The following SPEF2 variants were observed in gnomAD, a reference collection of about 807,000 sequenced individuals.
SPEF2 encodes sperm flagellar and cilia associated 2, also known as sperm flagella and cilia-associated protein 2.
Under a neutral mutation model 224.6 loss-of-function variants are expected in SPEF2, and 187 were observed. That is an observed-to-expected ratio of 0.83 (90% confidence interval 0.74 to 0.94). The LOEUF (loss-of-function observed/expected upper bound fraction) is 0.94, where lower values mean the gene tolerates loss of function less well. Ranked by LOEUF, SPEF2 falls within the 40% of genes least tolerant of loss-of-function variation. The pLI is 0.00. For missense variants in SPEF2, 2,170 were observed against 2,135.6 expected, an observed-to-expected ratio of 1.02 and a Z score of -0.32; for synonymous variants, 715 against 707.3, an observed-to-expected ratio of 1.01 and a Z score of -0.17.
At chr5:35,755,437 T>G (rs1338335332) in intron 24 of SPEF2, among the ~76,000 whole-genome samples, 1 of 152,206 alleles carries the variant, frequency 6.6e-6, no homozygotes, top group African/African-American at 2.4e-5. Context: ...CCTTTGGAAA[T>G]GGTATAGTAC....
chr5:35,712,737 A>G, intron 19 of SPEF2, 75 bp from the exon 20 acceptor site: 1 of 1,430,834 alleles, frequency 7.0e-7, no homozygotes, highest in Non-Finnish European at 9.8e-7. Context: ...AAATAGCATT[A>G]GCTTGCTTAC....
intron 32 of SPEF2, among the ~76,000 whole-genome samples, chr5:35,794,402 T>G (rs9292612): frequency 0.53 from 79,897 of 151,072 alleles, 23,933 homozygotes; most frequent in Middle Eastern, 0.7. Flanking sequence ...CTCTTTTTTT[T>G]TGAGAGAGCT....
chr5:35,692,838 G>A, intron 12 of SPEF2, 114 bp downstream of exon 12: 3 of 919,316 alleles, frequency 3.3e-6, no homozygotes, highest in Non-Finnish European at 1.5e-6. Context: ...GACCCAGAGA[G>A]TAAAAGTTTA....
At chr5:35,751,080 C>CGTATATATATACGTATATATAT (rs1749529999) in intron 23 of SPEF2, among the ~76,000 whole-genome samples, 1,064 of 43,422 alleles carry the variant, frequency 0.025, 246 homozygotes, top group East Asian at 0.037. Flanking sequence ...TATATATATA[C>CGTATATATATACGTATATATAT]ACACACACAC....
chr5:35,638,966 C>G (rs1746214377), intron 2 of SPEF2, among the ~76,000 whole-genome samples: 1 of 152,164 alleles, frequency 6.6e-6, no homozygotes. Context: ...CTCTTATTGG[C>G]AGGACCACAG....
intron 20 of SPEF2, among the ~76,000 whole-genome samples, chr5:35,713,926 G>T (rs556976568): frequency 4.2e-5 from 2 of 47,924 alleles, no homozygotes; most frequent in African/African-American, 8.7e-5. Context: ...TTTATATATA[G>T]TATATATGTT....
intron 4 of SPEF2, 161 bp from the exon 5 acceptor site, chr5:35,646,506 C>A: frequency 1.8e-6 from 1 of 543,850 alleles, no homozygotes; most frequent in Non-Finnish European, 3.2e-6. Context: ...ATATTAACAC[C>A]TCCTTCTTAA....
At chr5:35,697,958 G>A (rs1755570834) in intron 15 of SPEF2, 165 bp downstream of exon 15, 11 of 508,418 alleles carry the variant, frequency 2.2e-5, no homozygotes, top group South Asian at 1.8e-4. Context: ...TGTGACTTAC[G>A]TGCCTATATT....
At chr5:35,799,625 C>T (rs1365724583) in intron 33 of SPEF2, among the ~76,000 whole-genome samples, 2 of 152,016 alleles carry the variant, frequency 1.3e-5, no homozygotes, top group Non-Finnish European at 2.9e-5. Context: ...CCTAGTTTGT[C>T]CGGAGAATGC....
At chr5:35,804,760 G>A (rs547868906) in intron 34 of SPEF2, among the ~76,000 whole-genome samples, 1 of 152,212 alleles carries the variant, frequency 6.6e-6, no homozygotes. Context: ...CAGGCCTTTG[G>A]AAAGTAAGTT....
chr5:35,791,467 T>C (rs572616219), intron 30 of SPEF2: 1 of 152,300 alleles, frequency 6.6e-6, no homozygotes, highest in African/African-American at 2.4e-5. Context: ...AACCTTGGGA[T>C]AGTGTGTCTA....
intron 6 of SPEF2, 21 bp downstream of exon 6, chr5:35,649,446 A>G (rs752765073): frequency 1.3e-6 from 2 of 1,594,136 alleles, no homozygotes; most frequent in Non-Finnish European, 1.7e-6. Context: ...AGCTATTTTA[A>G]GAATTACAAA....
intron 23 of SPEF2, among the ~76,000 whole-genome samples, chr5:35,741,543 T>A (rs1157863015): frequency 6.6e-6 from 1 of 152,196 alleles, no homozygotes; most frequent in Non-Finnish European, 1.5e-5. Context: ...TTGGAGGTTA[T>A]TATGAGAATA....
intron 6 of SPEF2, among the ~76,000 whole-genome samples, chr5:35,650,072 C>T (rs1016711274): frequency 1.3e-5 from 2 of 151,874 alleles, no homozygotes; most frequent in Admixed American, 1.3e-4. Context: ...TTACATCTTA[C>T]GAAATATGAG....
chr5:35,780,302 T>C (rs1041637336), intron 30 of SPEF2, among the ~76,000 whole-genome samples: 8 of 152,178 alleles, frequency 5.3e-5, no homozygotes, highest in African/African-American at 1.9e-4. Flanking sequence ...TCATATATCA[T>C]TAGTAAAAAG....
At chr5:35,738,986 C>A (rs1045085132) in intron 21 of SPEF2, among the ~76,000 whole-genome samples, 5 of 152,090 alleles carry the variant, frequency 3.3e-5, no homozygotes, top group African/African-American at 4.8e-5. Context: ...TCAATTTTTG[C>A]AGAATTCATG....
At position 35,792,959 on chromosome 5, in the gene SPEF2, C is replaced by CA. The variant is rs1173094886; in HGVS notation, c.4555-194dup. ...GCAAAAATCACAAATGTCAAGGAAG[C>CA]AAAAAATGAAACACTTTCTAGGTGC... On this transcript the variant is annotated intron_variant, in intron 31 of 36. Coordinates refer to ENST00000356031, the MANE Select transcript of SPEF2 (RefSeq NM_024867.4). 5.3e-5 allele frequency among the ~76,000 whole-genome samples: 8 copies of CA among 152,100 alleles called. No individual in the cohort carries two copies. The East Asian group carries it at 1.4e-3, about 26-fold the overall frequency.
chr5:35,687,914 A>C (rs530766613), intron 10 of SPEF2, among the ~76,000 whole-genome samples: 1 of 152,054 alleles, frequency 6.6e-6, no homozygotes, highest in Non-Finnish European at 1.5e-5. Flanking sequence ...AAGCAAAAAA[A>C]ATTGCAAGCA....
chr5:35,652,125 A>G (rs1748279314), intron 6 of SPEF2, among the ~76,000 whole-genome samples: 1 of 152,242 alleles, frequency 6.6e-6, no homozygotes, highest in South Asian at 2.1e-4. Context: ...AAGCAAACAG[A>G]TAAAAAGAAA....
Sources: allele counts gnomAD v4.1 joint callset (sites outside exome capture counted in the v4.1 genomes callset), GRCh38; gene constraint gnomAD v4.1.1; transcripts MANE v1.5; gene names NCBI Gene and HGNC (gene_info 2026-07-23, HGNC 2026-07-21).